Variants in NLGN3 observed in about 807,000 individuals in gnomAD.
NLGN3 encodes neuroligin 3, also known as neuroligin-3.
NLGN3 carries 11 observed loss-of-function variants against 42.9 expected under a neutral mutation model. That is an observed-to-expected ratio of 0.26 (90% CI 0.16 to 0.42). The LOEUF is 0.42. NLGN3 is among the 10% of genes least tolerant of loss of function. The pLI, the probability that NLGN3 is intolerant of heterozygous loss-of-function variation, is 1.00. For missense variants in NLGN3, 374 were observed against 733.8 expected, an observed-to-expected ratio of 0.51 and a Z score of 5.67; for synonymous variants, 279 against 312.7, an observed-to-expected ratio of 0.89 and a Z score of 1.14.
chrX:71,168,501 C>T (rs2092454249), intron 7 of NLGN3, among the ~76,000 whole-genome samples: 1 of 110,420 alleles, frequency 9.1e-6, no homozygotes, highest in South Asian at 3.7e-4. Context: ...GAGGCCAAGG[C>T]AGGTGGATTG....
chrX:71,154,161 CA>C lies in NLGN3; in HGVS notation c.577+627del, dbSNP rs776728458. Among the ~76,000 whole-genome samples the C allele has an allele frequency of 1.7e-3, 190 of 113,245 alleles. 1 individual carries two copies. Among genetic ancestry groups the C allele is most frequent in the African/African-American group, 5.7e-3 (177 of 31,295 alleles). ...GCTGAGGCCAGGACACCACAGCCAT[CA>C]ATAGATGGCATAAGATCCTTGGGCA... On this transcript the variant is annotated intron_variant, in intron 4 of 7. Coordinates refer to ENST00000358741, the MANE Select transcript of NLGN3 (RefSeq NM_181303.2).
At position 71,147,915 on chromosome X, in the gene NLGN3, G is replaced by A. The variant is rs752463312; in HGVS notation, c.166G>A (p.Val56Ile). 8.3e-7 allele frequency: 1 copy of A among 1,209,514 alleles called. No individual in the cohort carries two copies. Among genetic ancestry groups the A allele is most frequent in the South Asian group, 1.8e-5 (1 of 56,547 alleles). ...CTTTGGGAAGCTAAGGGGTGCCCGA[G>A]TACCACTGCCCAGTGAGATCCTGGG... ...THFGKLRGAR[V>I]PLPSEILGPV... Residue 56 changes from valine to isoleucine, a missense_variant, in exon 2 of 8, where the codon GTA becomes ATA. This residue lies in a region of NLGN3 where 109 missense variants were observed against 173.3 expected (regional missense o/e 0.63). Transcript: ENST00000358741.
intron 5 of NLGN3, among the ~76,000 whole-genome samples, chrX:71,158,920 C>A (rs2147887828): frequency 8.9e-6 from 1 of 111,892 alleles, no homozygotes; most frequent in African/African-American, 3.3e-5. Context: ...AAGTTCTTAA[C>A]CTTTTGGGGC....
At chrX:71,168,857 GAAA>G (rs771987694) in intron 7 of NLGN3, among the ~76,000 whole-genome samples, 47 of 86,755 alleles carry the variant, frequency 5.4e-4, no homozygotes, top group Non-Finnish European at 9.3e-4. Context: ...AAGAAAGAAA[GAAA>G]GAAAGAAAGA....
chrX:71,156,663 T>C (rs2092410358), intron 5 of NLGN3, among the ~76,000 whole-genome samples: 1 of 109,756 alleles, frequency 9.1e-6, no homozygotes. Context: ...CACACACACC[T>C]CTACCCAGGC....
At chrX:71,162,210 A>AC (rs2092432714) in intron 5 of NLGN3, among the ~76,000 whole-genome samples, 1 of 109,662 alleles carries the variant, frequency 9.1e-6, no homozygotes, top group Admixed American at 9.7e-5. Context: ...TGCAGCCTTC[A>AC]CACCTAGGCT....
At chrX:71,158,787 G>T (rs1252029996) in intron 5 of NLGN3, among the ~76,000 whole-genome samples, 2 of 111,795 alleles carry the variant, frequency 1.8e-5, no homozygotes, top group Non-Finnish European at 3.8e-5. Context: ...AGTCTCCACA[G>T]TGTCAGTTGG....
In NLGN3 at chrX:71,147,867, C is replaced by G. The variant is rs994006472; in HGVS notation, c.118C>G (p.Pro40Ala). 2.5e-6 allele frequency: 3 copies of G among 1,205,920 alleles called. No homozygotes were observed. The highest frequency in any genetic ancestry group is 3.4e-6 in the Non-Finnish European group (3 of 893,028). ...GGCGCTGAGGGCCAGTACCCAGGCC[C>G]CAGCACCCACAGTCAACACTCACTT... ...SLALRASTQA[P>A]APTVNTHFGK... Residue 40 changes from proline to alanine, a missense_variant, in exon 2 of 8, where the codon CCA (proline) becomes GCA (alanine). Pro to Ala is a conservative substitution (Grantham distance 27). Transcript: ENST00000358741.
At chrX:71,145,822 G>C (rs113964611) in intron 1 of NLGN3, among the ~76,000 whole-genome samples, 10 of 103,736 alleles carry the variant, frequency 9.6e-5, no homozygotes, top group African/African-American at 3.6e-4. Flanking sequence ...GGGGGTTGCT[G>C]GTGGGGAAGC....
At chrX:71,154,235 C>T (rs893696290) in intron 4 of NLGN3, among the ~76,000 whole-genome samples, 3 of 113,366 alleles carry the variant, frequency 2.6e-5, no homozygotes, top group Admixed American at 9.2e-5. Flanking sequence ...CTGTTTGCTC[C>T]GCAGCAGAGA....
chrX:71,168,215 G>A (rs755358095), intron 7 of NLGN3, among the ~76,000 whole-genome samples: 2 of 111,164 alleles, frequency 1.8e-5, no homozygotes, highest in African/African-American at 6.5e-5. Context: ...GGTAGTGCAT[G>A]CCTGTAGTCC....
intron 5 of NLGN3, among the ~76,000 whole-genome samples, chrX:71,155,794 CACCCCGCCATGCACCT>C (rs1388894576): frequency 9.0e-6 from 1 of 111,137 alleles, no homozygotes; most frequent in African/African-American, 3.3e-5. Flanking sequence ...TTTACACATC[CACCCCGCCATGCACCT>C]GCAGGAAGAC....
At position 71,157,136 on chromosome X, in the gene NLGN3, G is replaced by A. The variant is rs769148815; in HGVS notation, c.727+1773G>A. Reference sequence around the variant, plus strand: ...GGGTGCTAAACCAGCAGTTAGGCGTGGCTTATTCCATGGCTAACTAGGGGA... The same window carrying A: ...GGGTGCTAAACCAGCAGTTAGGCGTAGCTTATTCCATGGCTAACTAGGGGA... On this transcript the variant is annotated intron_variant, in intron 5 of 7. Coordinates refer to ENST00000358741, the MANE Select transcript of NLGN3 (RefSeq NM_181303.2). Among the ~76,000 whole-genome samples, 3 of 110,336 alleles carry A rather than the reference G, an allele frequency of 2.7e-5. No homozygotes were observed. The South Asian group carries it at 1.1e-3, about 42-fold the overall frequency.
At chrX:71,156,527 C>A (rs1465473764) in intron 5 of NLGN3, among the ~76,000 whole-genome samples, 1 of 110,160 alleles carries the variant, frequency 9.1e-6, no homozygotes, top group African/African-American at 3.3e-5. Context: ...CGTATACATG[C>A]GCACACTCTT....
At chrX:71,167,851 C>T (rs746113854) in intron 7 of NLGN3, 51 bp downstream of exon 7, 7 of 1,039,263 alleles carry the variant, frequency 6.7e-6, no homozygotes, top group Non-Finnish European at 9.5e-6. Flanking sequence ...GCATGCCCTC[C>T]CCTCTGCTCC....
Position 71,153,547 on chromosome X carries a change from G to C in NLGN3, c.577+11G>C. The C allele has an allele frequency of 2.5e-6, 3 of 1,199,343 alleles. No homozygotes were observed. Among genetic ancestry groups the C allele is most frequent in the Non-Finnish European group, 3.4e-6 (3 of 886,649 alleles). ...GGGATGAAGATGAAGGTATTTGGGG[G>C]CTGCAGGGCGCGGCGGCTGGTGCAT... On this transcript the variant is annotated intron_variant, in intron 4 of 7. Coordinates refer to ENST00000358741, the MANE Select transcript of NLGN3 (RefSeq NM_181303.2).
Position 71,170,652 on chromosome X carries a change from G to A in NLGN3, c.*555G>A, listed in dbSNP as rs758956131. 1.9e-5 allele frequency: 15 copies of A among 769,769 alleles called. No individual in the cohort carries two copies. Among genetic ancestry groups the A allele is most frequent in the South Asian group, 1.8e-4 (3 of 16,459 alleles). 63.4% of individuals were successfully genotyped at this position (769,769 alleles called of 1,213,427 possible). A position where few individuals can be genotyped will look rare whatever the true frequency, so the allele number is the denominator to read the frequency against. ...CTCTGGAAGGGAGGGCTTCAGGCCC[G>A]AAGGTCTCTCTGGCTCTAGGACCCC... On this transcript the variant is annotated 3_prime_UTR_variant, in exon 8 of 8. Coordinates refer to ENST00000358741, the MANE Select transcript of NLGN3 (RefSeq NM_181303.2).
chrX:71,170,334 G>A lies in NLGN3; in HGVS notation c.*237G>A, dbSNP rs939166754. 11 of 1,060,349 alleles carry A rather than the reference G, an allele frequency of 1.0e-5. No individual in the cohort carries two copies. The African/African-American group carries it at 1.3e-4, about 13-fold the overall frequency. The allele number at this position is 1,060,349 out of a possible 1,213,427, so 87.4% of individuals were successfully genotyped here. A position where few individuals can be genotyped will look rare whatever the true frequency, so the allele number is the denominator to read the frequency against. On this transcript the variant is annotated 3_prime_UTR_variant, in exon 8 of 8. Transcript: ENST00000358741. ...CTGAACAAACCCTTTAAATGGGGAC[G>A]CAGATGAGTCCTCGGTAAACCGAGG...
At chrX:71,149,362 C>T (rs186806792) in intron 3 of NLGN3, among the ~76,000 whole-genome samples, 1 of 111,233 alleles carries the variant, frequency 9.0e-6, no homozygotes, top group Non-Finnish European at 1.9e-5. Context: ...GGTTTAGTAA[C>T]TCCTGCCATA....
Sources: allele counts gnomAD v4.1 joint callset (sites outside exome capture counted in the v4.1 genomes callset), GRCh38; gene constraint gnomAD v4.1.1; regional missense constraint gnomAD v4.1.1; transcripts MANE v1.5; gene names NCBI Gene and HGNC (gene_info 2026-07-23, HGNC 2026-07-21).